NAV2: variants seen among roughly 807,000 people sequenced by gnomAD.
NAV2 encodes neuron navigator 2.
NAV2 carries 54 observed loss-of-function variants against 223.2 expected under a neutral mutation model. The observed-to-expected ratio is 0.24, with a 90% confidence interval of 0.19 to 0.30. The LOEUF (loss-of-function observed/expected upper bound fraction) is 0.30, where lower values mean the gene tolerates loss of function less well. NAV2 is among the 10% of genes least tolerant of loss of function. The pLI is 1.00. For missense variants in NAV2, 2,806 were observed against 3,147.5 expected (o/e 0.89, Z 2.60); for synonymous variants, 1,279 against 1,239.3 (o/e 1.03, Z -0.67).
At chr11:19,650,295 T>A (rs745663481) in intron 1 of NAV2, among the ~76,000 whole-genome samples, 1 of 152,128 alleles carries the variant, frequency 6.6e-6, no homozygotes, top group Non-Finnish European at 1.5e-5. Context: ...AAGGTGGCCC[T>A]GTGGAGACAG....
intron 10 of NAV2, among the ~76,000 whole-genome samples, chr11:19,975,388 T>C (rs1201247363): frequency 2.0e-5 from 3 of 152,254 alleles, no homozygotes; most frequent in African/African-American, 7.2e-5. Flanking sequence ...TCTTTGTGCA[T>C]CGGAGTATGT....
At chr11:19,846,713 C>T (rs908882391) in intron 3 of NAV2, among the ~76,000 whole-genome samples, 4 of 152,324 alleles carry the variant, frequency 2.6e-5, no homozygotes, top group African/African-American at 9.6e-5. Context: ...CGGAGATGCT[C>T]TCCCCAGGAC....
At chr11:19,621,283 G>A (rs928618062) in intron 1 of NAV2, among the ~76,000 whole-genome samples, 22 of 152,178 alleles carry the variant, frequency 1.4e-4, no homozygotes, top group Admixed American at 9.8e-4. Flanking sequence ...CATAATTAGG[G>A]TGGATTCCCT....
chr11:19,484,127 A>AAC (rs58138697), intron 1 of NAV2, among the ~76,000 whole-genome samples: 4,159 of 144,818 alleles, frequency 0.029, 110 homozygotes, highest in African/African-American at 0.068. Flanking sequence ...ACTGATCACA[A>AAC]ACACACACAC....
At position 19,622,861 on chromosome 11, in the gene NAV2, G is replaced by A. The variant is rs866184161; in HGVS notation, c.76-209623G>A. ...GTTGATGCAGTTTCTTCCTAGCATC[G>A]ATGGTCTTTACAATTTGGCATGTTT... On this transcript the variant is annotated intron_variant, in intron 1 of 37. Coordinates refer to the NAV2 transcript ENST00000360655. 1.7e-3 allele frequency among the ~76,000 whole-genome samples: 263 copies of A among 152,242 alleles called. 11 individuals carry two copies. The South Asian group carries it at 0.054, about 31-fold the overall frequency.
chr11:19,881,886 GGTTATTA>G (rs1303666081), intron 5 of NAV2, among the ~76,000 whole-genome samples: 27 of 152,288 alleles, frequency 1.8e-4, no homozygotes, highest in African/African-American at 6.3e-4. Flanking sequence ...GCATAAACAA[GGTTATTA>G]TAGCTTAGTA....
chr11:19,637,205 G>C (rs2047529190), intron 1 of NAV2, among the ~76,000 whole-genome samples: 1 of 152,220 alleles, frequency 6.6e-6, no homozygotes, highest in South Asian at 2.1e-4. Context: ...AACGTAGGTA[G>C]TGGCTACCTG....
intron 1 of NAV2, among the ~76,000 whole-genome samples, chr11:19,352,162 G>C (rs750103781): frequency 1.3e-5 from 2 of 152,128 alleles, no homozygotes; most frequent in Non-Finnish European, 2.9e-5. Context: ...ACTATCTTGG[G>C]AACCTAGATA....
intron 6 of NAV2, among the ~76,000 whole-genome samples, chr11:19,914,210 C>T (rs1406741999): frequency 3.3e-5 from 5 of 152,222 alleles, no homozygotes; most frequent in Admixed American, 2.6e-4. Flanking sequence ...AATTGGAGAA[C>T]TCACATGTGG....
At chr11:19,592,863 T>C (rs2046100623) in intron 1 of NAV2, among the ~76,000 whole-genome samples, 1 of 152,180 alleles carries the variant, frequency 6.6e-6, no homozygotes, top group African/African-American at 2.4e-5. Flanking sequence ...GAAATAATGA[T>C]AGATTTGCAG....
intron 1 of NAV2, among the ~76,000 whole-genome samples, chr11:19,590,642 G>A (rs2046033654): frequency 6.6e-6 from 1 of 152,152 alleles, no homozygotes; most frequent in Non-Finnish European, 1.5e-5. Flanking sequence ...CCAGGCCCTG[G>A]GGGACAGTGT....
At position 20,109,488 on chromosome 11, in the gene NAV2, T is replaced by A. The variant is rs541474979; in HGVS notation, c.6960+1706T>A. Among the ~76,000 whole-genome samples the A allele has an allele frequency of 2.6e-5, 4 of 152,276 alleles. No homozygotes were observed. The South Asian group carries it at 6.2e-4, about 24-fold the overall frequency. On this transcript the variant is annotated intron_variant, in intron 36 of 37. Coordinates refer to ENST00000349880, the MANE Select transcript of NAV2 (RefSeq NM_145117.5). ...TTAGTCCTTAATCAAATGGTTTTGTTAAGACCACAGACCCAAACAACCACT... is the reference window on the plus strand; with the variant it reads ...TTAGTCCTTAATCAAATGGTTTTGTAAAGACCACAGACCCAAACAACCACT...
chr11:19,621,671 G>A (rs1041947621), intron 1 of NAV2, among the ~76,000 whole-genome samples: 22 of 151,830 alleles, frequency 1.4e-4, no homozygotes, highest in African/African-American at 4.6e-4. Flanking sequence ...TCTTGCTAGC[G>A]GTCTATCAAT....
intron 6 of NAV2, among the ~76,000 whole-genome samples, chr11:19,928,952 G>A (rs1363915772): frequency 6.6e-6 from 1 of 152,118 alleles, no homozygotes; most frequent in Non-Finnish European, 1.5e-5. Context: ...TAGGACCCCA[G>A]GATTAGAAAT....
At chr11:19,912,874 A>G (rs1201393663) in intron 6 of NAV2, among the ~76,000 whole-genome samples, 1 of 152,246 alleles carries the variant, frequency 6.6e-6, no homozygotes, top group East Asian at 1.9e-4. Flanking sequence ...GTGTTACTAA[A>G]GGCAGGATTA....
intron 1 of NAV2, among the ~76,000 whole-genome samples, chr11:19,558,398 C>G (rs577495875): frequency 1.3e-5 from 2 of 152,136 alleles, no homozygotes; most frequent in East Asian, 3.9e-4. Flanking sequence ...CTCTCCAGCA[C>G]GAGAGTCAGA....
At chr11:20,005,505 C>A (rs2052981477) in intron 11 of NAV2, among the ~76,000 whole-genome samples, 1 of 150,704 alleles carries the variant, frequency 6.6e-6, no homozygotes, top group African/African-American at 2.5e-5. Context: ...CTCAGCCTCC[C>A]AAAGTGCTGG....
intron 1 of NAV2, among the ~76,000 whole-genome samples, chr11:19,565,865 G>C (rs1424779122): frequency 7.2e-5 from 11 of 152,072 alleles, no homozygotes; most frequent in Admixed American, 7.2e-4. Flanking sequence ...CGAAATGCTC[G>C]ATGTGGCCTG....
intron 6 of NAV2, among the ~76,000 whole-genome samples, chr11:19,919,653 T>C (rs1191696520): frequency 1.3e-5 from 2 of 152,200 alleles, no homozygotes; most frequent in Non-Finnish European, 2.9e-5. Flanking sequence ...TGAAAGAGAA[T>C]AACGCCACCA....
Sources: allele counts gnomAD v4.1 joint callset (sites outside exome capture counted in the v4.1 genomes callset), GRCh38; gene constraint gnomAD v4.1.1; transcripts MANE v1.5; gene names NCBI Gene and HGNC (gene_info 2026-07-23, HGNC 2026-07-21).